Variants in PREX1 observed in about 807,000 individuals in gnomAD.
The protein encoded by PREX1 is phosphatidylinositol 3,4,5-trisphosphate-dependent Rac exchanger 1 protein.
In PREX1, 41 loss-of-function variants were observed where a neutral mutation model predicts 198.3. The observed-to-expected ratio is 0.21, with a 90% CI of 0.16 to 0.27. The LOEUF is 0.27. Ranked by LOEUF, PREX1 falls within the 10% of genes least tolerant of loss-of-function variation. PREX1 has a pLI of 1.00. For missense variants in PREX1, 1,620 were observed against 2,200.7 expected (o/e 0.74, Z 5.28); for synonymous variants, 843 against 887.2 (o/e 0.95, Z 0.89).
chr20:48,803,030 T>C (rs560940418), intron 1 of PREX1, among the ~76,000 whole-genome samples: 8 of 152,290 alleles, frequency 5.3e-5, no homozygotes, highest in Non-Finnish European at 8.8e-5. Context: ...AAATGCGGCA[T>C]CTCAGGCCCT....
In PREX1 at chr20:48,656,411, C is replaced by T. The variant is rs1340787305; in HGVS notation, c.2123+629G>A. On this transcript the variant is annotated intron_variant, in intron 18 of 39. Coordinates refer to ENST00000371941, the MANE Select transcript of PREX1 (RefSeq NM_020820.4). ...CCAGTGGCTCCCCATGGGTCCTTGC[C>T]AGGGGCCTCCAGGGCTGGACCCCGT... The T allele has an allele frequency of 3.9e-5, 12 of 306,758 alleles. No homozygotes were observed. In the East Asian group the frequency reaches 1.3e-3, roughly 33 times the overall value. The allele number at this position is 306,758 out of a possible 1,614,324, so 19.0% of individuals were successfully genotyped here. A position where few individuals can be genotyped will look rare whatever the true frequency, so the allele number is the denominator to read the frequency against.
intron 1 of PREX1, among the ~76,000 whole-genome samples, chr20:48,749,141 C>T (rs2090122691): frequency 6.6e-6 from 1 of 152,042 alleles, no homozygotes. Context: ...TAAGGGAGAC[C>T]GAGGCCCAGC....
the PREX1 span, among the ~76,000 whole-genome samples, chr20:48,857,681 C>T: frequency 2.0e-5 from 3 of 151,790 alleles, no homozygotes; most frequent in Admixed American, 1.3e-4. Context: ...GCTGAGGTGG[C>T]AGGATCACTT....
chr20:48,666,236 C>T lies in PREX1; in HGVS notation c.1738+47G>A, dbSNP rs2089639511. The T allele has an allele frequency of 6.6e-7, 1 of 1,512,428 alleles. No homozygotes were observed. 93.7% of individuals were successfully genotyped at this position (1,512,428 alleles called of 1,614,324 possible). A position where few individuals can be genotyped will look rare whatever the true frequency, so the allele number is the denominator to read the frequency against. ...CCCATACTCCCCCAAACCATCAGCT[C>T]CAGGGAGCAAGGTCCCGGGGGCTGG... On this transcript the variant is annotated intron_variant, in intron 15 of 39. Transcript: ENST00000371941. This position sits in a 1 kb window ranked among gnomAD's most constrained non-coding sequence, Gnocchi z 4.3.
chr20:48,646,216 C>G (rs1408417543), intron 25 of PREX1, among the ~76,000 whole-genome samples, 159 bp from the exon 26 acceptor site: 2 of 152,192 alleles, frequency 1.3e-5, no homozygotes, highest in East Asian at 3.8e-4. Flanking sequence ...AAGGCTCTAC[C>G]AGAAGGTGAG....
the PREX1 span, among the ~76,000 whole-genome samples, chr20:48,882,847 T>C: frequency 6.6e-6 from 1 of 152,026 alleles, no homozygotes; most frequent in African/African-American, 2.4e-5. Flanking sequence ...TTAATCATCT[T>C]TTCATAAGCT....
chr20:48,637,877 G>T, intron 30 of PREX1, 125 bp from the exon 31 acceptor site: 1 of 758,552 alleles, frequency 1.3e-6, no homozygotes, highest in Non-Finnish European at 2.1e-6. Flanking sequence ...CAAAGCCCTG[G>T]CACCCAAGGC....
At chr20:48,763,257 C>T (rs1419293493) in intron 1 of PREX1, among the ~76,000 whole-genome samples, 3 of 152,260 alleles carry the variant, frequency 2.0e-5, no homozygotes, top group African/African-American at 4.8e-5. Context: ...TAGCCCTTAT[C>T]GTCAGCACCA....
chr20:48,799,652 G>C (rs2090377692), intron 1 of PREX1, among the ~76,000 whole-genome samples: 1 of 152,070 alleles, frequency 6.6e-6, no homozygotes, highest in Non-Finnish European at 1.5e-5. Flanking sequence ...GTACCCCATG[G>C]GTAAGGGTTT....
chr20:48,723,870 T>G (rs2089998127), intron 5 of PREX1, among the ~76,000 whole-genome samples: 1 of 152,078 alleles, frequency 6.6e-6, no homozygotes. Context: ...AGCGACACCA[T>G]GTGTTAAAAT....
chr20:48,662,662 G>A (rs553008981), intron 15 of PREX1, among the ~76,000 whole-genome samples: 4 of 152,338 alleles, frequency 2.6e-5, no homozygotes, highest in African/African-American at 9.6e-5. Flanking sequence ...AGTTCGAGGC[G>A]CCTCAAAAGG....
At chr20:48,847,983 TCA>T in the PREX1 span, among the ~76,000 whole-genome samples, 1 of 152,196 alleles carries the variant, frequency 6.6e-6, no homozygotes, top group Non-Finnish European at 1.5e-5. Flanking sequence ...TGTGGATAAA[TCA>T]CAGTGTGTTC....
chr20:48,692,517 G>A, intron 8 of PREX1, 155 bp downstream of exon 8: 2 of 587,636 alleles, frequency 3.4e-6, no homozygotes, highest in Non-Finnish European at 6.0e-6. Context: ...TAACCACCCA[G>A]ATGTTCGCTT....
chr20:48,828,227 G>C (rs2090520970), upstream of PREX1, among the ~76,000 whole-genome samples: 1 of 151,350 alleles, frequency 6.6e-6, no homozygotes, highest in African/African-American at 2.4e-5. Context: ...CGGGGGTCGG[G>C]CGGGAGCCTC....
chr20:48,722,495 T>C (rs1306386395), intron 5 of PREX1, among the ~76,000 whole-genome samples: 2 of 152,192 alleles, frequency 1.3e-5, no homozygotes, highest in African/African-American at 2.4e-5. Context: ...CTGGGGTTTC[T>C]TTTGGGGGTG....
chr20:48,642,296 T>G, intron 28 of PREX1, 38 bp from the exon 29 acceptor site: 1 of 1,607,796 alleles, frequency 6.2e-7, no homozygotes, highest in Non-Finnish European at 8.5e-7. Flanking sequence ...TTGGGCCCCG[T>G]GGCCCTACAC....
the PREX1 span, among the ~76,000 whole-genome samples, chr20:48,833,199 T>C: frequency 6.6e-6 from 1 of 152,206 alleles, no homozygotes; most frequent in Non-Finnish European, 1.5e-5. Context: ...GGGTGTTTGC[T>C]ATTGTAAGTG....
chr20:48,867,019 T>C, the PREX1 span, among the ~76,000 whole-genome samples: 1 of 151,784 alleles, frequency 6.6e-6, no homozygotes, highest in African/African-American at 2.4e-5. Flanking sequence ...CCACTTAGGG[T>C]TTAAAATAAC....
In PREX1 at chr20:48,625,920, G is replaced by A. The variant is rs201405268; in HGVS notation, c.4945C>T (p.Arg1649Cys). The A allele has an allele frequency of 1.3e-5, 20 of 1,560,360 alleles. No homozygotes were observed. In the East Asian group the frequency reaches 1.5e-4, roughly 12 times the overall value. ...CCATCCACCGGCGGCTGGCAGAGGC[G>A]GTAGAGGCTGGGGATGGAGGCAAAG... ...QMPQGAPRLY[R>C]LCQPPVDGDL Residue 1649 changes from arginine to cysteine, a missense_variant, in exon 40 of 40, where the codon CGC becomes TGC. Around this residue, in one of 7 missense-constraint regions of PREX1, gnomAD observed 476 missense variants for 603.4 expected, o/e 0.79. Coordinates refer to ENST00000371941, the MANE Select transcript of PREX1 (RefSeq NM_020820.4).
Sources: allele counts gnomAD v4.1 joint callset (sites outside exome capture counted in the v4.1 genomes callset), GRCh38; gene constraint gnomAD v4.1.1; regional missense constraint gnomAD v4.1.1; non-coding constraint Gnocchi (gnomAD v3.1); transcripts MANE v1.5; gene names NCBI Gene and HGNC (gene_info 2026-07-23, HGNC 2026-07-21).